Variants in RBM26 observed in about 807,000 individuals in gnomAD.
The protein encoded by RBM26 is RNA binding motif protein 26.
RBM26 carries 30 observed loss-of-function variants against 123.6 expected under a neutral mutation model. The observed-to-expected ratio is 0.24, with a 90% confidence interval of 0.18 to 0.33. The LOEUF (loss-of-function observed/expected upper bound fraction) is 0.33. Among genes scored for constraint, RBM26 ranks in the 10% least tolerant of loss-of-function variants. RBM26 has a pLI of 1.00. For missense variants in RBM26, 947 were observed against 1,203.6 expected (o/e 0.79, Z 3.15); for synonymous variants, 400 against 404.4 (o/e 0.99, Z 0.13).
chr13:79,363,402 A>G (rs1001981202), intron 9 of RBM26, among the ~76,000 whole-genome samples: 2 of 152,130 alleles, frequency 1.3e-5, no homozygotes, highest in African/African-American at 4.8e-5. Context: ...GGGAGGAGGG[A>G]GAGGACTAAA....
downstream of RBM26, among the ~76,000 whole-genome samples, chr13:79,317,729 C>T (rs2067279410): frequency 6.6e-6 from 1 of 151,632 alleles, no homozygotes; most frequent in South Asian, 2.1e-4. Context: ...ATGTGTATAC[C>T]TCCATCAGTA....
At chr13:79,391,254 A>C (rs1482983884) in intron 1 of RBM26, among the ~76,000 whole-genome samples, 1 of 152,202 alleles carries the variant, frequency 6.6e-6, no homozygotes, top group African/African-American at 2.4e-5. Context: ...TGGTAACCCA[A>C]TTAGTATGCT....
intron 1 of RBM26, among the ~76,000 whole-genome samples, chr13:79,385,602 C>T (rs1594623154): frequency 6.6e-6 from 1 of 152,178 alleles, no homozygotes; most frequent in Admixed American, 6.5e-5. Flanking sequence ...AAAATAGGAA[C>T]CACTCCAAAC....
chr13:79,360,013 C>A (rs1386319645), intron 9 of RBM26, among the ~76,000 whole-genome samples: 1 of 152,026 alleles, frequency 6.6e-6, no homozygotes, highest in East Asian at 1.9e-4. Context: ...AACACTTGAT[C>A]TCATCATGTA....
chr13:79,313,315 G>T (rs2138200512), exon 5 of RBM26: 1 of 151,806 alleles, frequency 6.6e-6, no homozygotes, highest in Admixed American at 6.6e-5. Flanking sequence ...AAGTCATCTT[G>T]AATTCTGATT....
intron 1 of RBM26, among the ~76,000 whole-genome samples, chr13:79,395,745 T>TAAAC (rs534794345): frequency 9.2e-5 from 14 of 151,810 alleles, no homozygotes; most frequent in African/African-American, 2.7e-4. Context: ...GCACTGTTTC[T>TAAAC]AAACAAACAA....
chr13:79,360,948 T>C (rs1222882508), intron 9 of RBM26, among the ~76,000 whole-genome samples: 1 of 152,148 alleles, frequency 6.6e-6, no homozygotes, highest in Non-Finnish European at 1.5e-5. Context: ...TTTTTACATA[T>C]TTCTAAACAC....
At chr13:79,367,971 C>T (rs976311353) in intron 6 of RBM26, among the ~76,000 whole-genome samples, 12 of 151,910 alleles carry the variant, frequency 7.9e-5, no homozygotes, top group Non-Finnish European at 1.6e-4. Context: ...GGCTTTAATA[C>T]TACTTATAAA....
rs2076049208 is a variant in RBM26 at position 79,372,790 on chromosome 13, T to C, written c.328-860A>G. Among the ~76,000 whole-genome samples, 2 of 15,956 alleles carry C rather than the reference T, an allele frequency of 1.3e-4. 1 individual carries two copies. Among genetic ancestry groups the C allele is most frequent in the Non-Finnish European group, 5.1e-4 (2 of 3,910 alleles). The allele number at this position is 15,956 out of a possible 152,430, so 10.5% of individuals were successfully genotyped here. A position where few individuals can be genotyped will look rare whatever the true frequency, so the allele number is the denominator to read the frequency against. On this transcript the variant is annotated intron_variant, in intron 3 of 21. Coordinates refer to ENST00000438737, the MANE Select transcript of RBM26 (RefSeq NM_001366735.2). ...TTATATTATATATAATTATATGATATATATTATAATTATATGATATATATT... is the reference window on the plus strand; with the variant it reads ...TTATATTATATATAATTATATGATACATATTATAATTATATGATATATATT...
intron 18 of RBM26, among the ~76,000 whole-genome samples, chr13:79,339,318 G>A (rs1445495536): frequency 6.6e-6 from 1 of 152,082 alleles, no homozygotes; most frequent in African/African-American, 2.4e-5. Context: ...CAGATAGGAA[G>A]AGTAAGTTCT....
In RBM26 at chr13:79,319,488, A is replaced by G. The variant is rs1439055389; in HGVS notation, c.*1133T>C. 1.0e-6 allele frequency: 1 copy of G among 984,296 alleles called. No homozygotes were observed. Among genetic ancestry groups the G allele is most frequent in the Non-Finnish European group, 1.2e-6 (1 of 829,196 alleles). The allele number at this position is 984,296 out of a possible 1,614,324, so 61.0% of individuals were successfully genotyped here. A position where few individuals can be genotyped will look rare whatever the true frequency, so the allele number is the denominator to read the frequency against. On this transcript the variant is annotated 3_prime_UTR_variant, in exon 22 of 22. Coordinates refer to ENST00000438737, the MANE Select transcript of RBM26 (RefSeq NM_001366735.2). ...TGTTGCAAACATCAAAGATTTTTAT[A>G]CAAGTATAGGAAGTACACACTTAAA...
chr13:79,361,921 C>A (rs989882641), intron 9 of RBM26, among the ~76,000 whole-genome samples: 1 of 152,022 alleles, frequency 6.6e-6, no homozygotes, highest in Non-Finnish European at 1.5e-5. Flanking sequence ...TAGAAACGCA[C>A]GAGAAAGGTT....
exon 5 of RBM26, chr13:79,312,053 CTGCTA>C (rs2066911545): frequency 6.6e-6 from 1 of 151,976 alleles, no homozygotes; most frequent in Admixed American, 6.6e-5. Flanking sequence ...AACAAAAAAG[CTGCTA>C]CAGCTTAACC....
intron 20 of RBM26, among the ~76,000 whole-genome samples, chr13:79,332,587 T>C (rs1053550138): frequency 1.3e-5 from 2 of 152,194 alleles, no homozygotes; most frequent in Admixed American, 1.3e-4. Context: ...GCAGTGGTCA[T>C]TACTCTTTTT....
chr13:79,323,266 T>C (rs1383468508), intron 20 of RBM26, among the ~76,000 whole-genome samples: 1 of 151,642 alleles, frequency 6.6e-6, no homozygotes, highest in East Asian at 1.9e-4. Context: ...TCACACAAGA[T>C]TTATAATACA....
intron 18 of RBM26, among the ~76,000 whole-genome samples, chr13:79,338,366 T>G (rs1396365916): frequency 6.6e-6 from 1 of 152,242 alleles, no homozygotes. Context: ...TTTTTCCATT[T>G]TATTCTCCGC....
In RBM26 at chr13:79,344,689, CATT is replaced by C. The variant is rs2072015492; in HGVS notation, c.2161_2163del (p.Asn721del). 6.2e-7 allele frequency: 1 copy of C among 1,611,174 alleles called. No homozygotes were observed. The highest frequency in any genetic ancestry group is 1.3e-5 in the African/African-American group (1 of 74,618). On this transcript the variant is annotated inframe_deletion, in exon 15 of 22. Coordinates refer to ENST00000438737, the MANE Select transcript of RBM26 (RefSeq NM_001366735.2). The stretch of plus-strand genomic sequence containing the variant: ...CTTACCTGTTTTTTTTTCTGTGCTT[CATT>C]ATTATCAACTGCAGAGGTGGAAACA...
chr13:79,320,372 A>C lies in RBM26; in HGVS notation c.*249T>G, dbSNP rs985432352. On this transcript the variant is annotated 3_prime_UTR_variant, in exon 22 of 22. Transcript: ENST00000438737. ...GAATTCTGTGATGTCCAGTAGAAGTATGTAATAAAAACATTGCATATGTTT... is the reference window on the plus strand; with the variant it reads ...GAATTCTGTGATGTCCAGTAGAAGTCTGTAATAAAAACATTGCATATGTTT... 1 of 1,099,536 alleles carries C rather than the reference A, an allele frequency of 9.1e-7. No homozygotes were observed. The highest frequency in any genetic ancestry group is 1.6e-5 in the African/African-American group (1 of 60,930). The allele number at this position is 1,099,536 out of a possible 1,614,324, so 68.1% of individuals were successfully genotyped here. A position where few individuals can be genotyped will look rare whatever the true frequency, so the allele number is the denominator to read the frequency against.
intron 9 of RBM26, among the ~76,000 whole-genome samples, chr13:79,362,695 C>T (rs930979260): frequency 1.3e-5 from 2 of 152,160 alleles, no homozygotes; most frequent in African/African-American, 2.4e-5. Context: ...GAATCTGTGA[C>T]CTATCCAACA....
Sources: allele counts gnomAD v4.1 joint callset (sites outside exome capture counted in the v4.1 genomes callset), GRCh38; gene constraint gnomAD v4.1.1; transcripts MANE v1.5; gene names NCBI Gene and HGNC (gene_info 2026-07-23, HGNC 2026-07-21).